The following RBFOX1 variants were observed in gnomAD, a reference collection of about 807,000 sequenced individuals.
The protein encoded by RBFOX1 is RNA binding fox-1 homolog 1.
RBFOX1 carries 8 observed loss-of-function variants against 57.7 expected under a neutral mutation model. The ratio of observed to expected loss-of-function variants is 0.14; its 90% CI spans 0.08 to 0.25. The LOEUF (loss-of-function observed/expected upper bound fraction) is 0.25, where lower values mean the gene tolerates loss of function less well. Among genes scored for constraint, RBFOX1 ranks in the 10% least tolerant of loss-of-function variants. The probability of loss-of-function intolerance (pLI) is 1.00; values close to 1 mark genes in which losing one functional copy is unlikely to be tolerated. For synonymous variants in RBFOX1, 326 were observed against 222.4 expected (o/e 1.47, Z -4.15); for missense variants, 611 against 548.5 (o/e 1.11, Z -1.14).
intron 4 of RBFOX1, among the ~76,000 whole-genome samples, chr16:7,369,845 C>T (rs950058694): frequency 2.6e-5 from 4 of 152,164 alleles, no homozygotes; most frequent in African/African-American, 4.8e-5. Context: ...CTATCAATTT[C>T]ATTATCTCAC....
At chr16:6,068,496 G>C (rs751204377) in intron 1 of RBFOX1, among the ~76,000 whole-genome samples, 10 of 152,138 alleles carry the variant, frequency 6.6e-5, no homozygotes, top group Non-Finnish European at 1.3e-4. Context: ...GGAACCGTTT[G>C]GGGTTAAACA....
At chr16:6,347,260 C>T (rs1459112975) in intron 2 of RBFOX1, among the ~76,000 whole-genome samples, 1 of 152,144 alleles carries the variant, frequency 6.6e-6, no homozygotes, top group Non-Finnish European at 1.5e-5. Context: ...GTAATGTAGA[C>T]AGTGAACGGG....
intron 1 of RBFOX1, among the ~76,000 whole-genome samples, chr16:5,431,371 T>TTTTA (rs1187641037): frequency 1.3e-5 from 2 of 152,090 alleles, no homozygotes; most frequent in Admixed American, 1.3e-4. Context: ...AGCTGGCTTA[T>TTTTA]TTTATTTATT....
intron 4 of RBFOX1, among the ~76,000 whole-genome samples, chr16:5,979,611 C>G (rs1247047561): frequency 6.6e-6 from 1 of 152,210 alleles, no homozygotes. Flanking sequence ...CGCCTCTAAT[C>G]TCAGCACTTT....
intron 1 of RBFOX1, among the ~76,000 whole-genome samples, chr16:5,268,556 C>T (rs1187849024): frequency 6.6e-6 from 1 of 152,230 alleles, no homozygotes; most frequent in East Asian, 1.9e-4. Flanking sequence ...ACACTTCTTC[C>T]TCCACGATTG....
chr16:6,977,947 A>AAAAAAAAATAAAT (rs57981662), intron 3 of RBFOX1, among the ~76,000 whole-genome samples: 1 of 145,968 alleles, frequency 6.9e-6, no homozygotes, highest in Non-Finnish European at 1.5e-5. Context: ...GAAAAAAAAA[A>AAAAAAAAATAAAT]AAAAGGCAAA....
At chr16:6,846,907 T>G (rs970082352) in intron 3 of RBFOX1, among the ~76,000 whole-genome samples, 17 of 147,122 alleles carry the variant, frequency 1.2e-4, no homozygotes, top group African/African-American at 4.6e-4. Context: ...TGCCTCTAAA[T>G]TACCCTAGGA....
chr16:7,636,809 A>G (rs992138126), intron 11 of RBFOX1, among the ~76,000 whole-genome samples: 7 of 150,892 alleles, frequency 4.6e-5, no homozygotes, highest in African/African-American at 1.7e-4. Flanking sequence ...ACCTTCTCCC[A>G]TGTTTTCACA....
At chr16:6,961,863 T>C (rs1568103157) in intron 3 of RBFOX1, among the ~76,000 whole-genome samples, 1 of 152,174 alleles carries the variant, frequency 6.6e-6, no homozygotes, top group Non-Finnish European at 1.5e-5. Context: ...CTTGCCATCC[T>C]GGTTTGGGTG....
intron 4 of RBFOX1, among the ~76,000 whole-genome samples, chr16:7,326,204 G>A (rs959457985): frequency 6.6e-6 from 1 of 152,206 alleles, no homozygotes; most frequent in African/African-American, 2.4e-5. Context: ...GGATTGAGGA[G>A]GTGGTGGAGG....
At chr16:5,901,288 C>T (rs949178073) in intron 4 of RBFOX1, among the ~76,000 whole-genome samples, 1 of 152,146 alleles carries the variant, frequency 6.6e-6, no homozygotes, top group Non-Finnish European at 1.5e-5. Context: ...CTCTTTGAAA[C>T]AATTTTATGC....
chr16:7,431,439 C>A (rs1271284746), intron 4 of RBFOX1: 1 of 150,100 alleles, frequency 6.7e-6, no homozygotes, highest in Non-Finnish European at 1.5e-5. Flanking sequence ...TGGGTTCTTA[C>A]TGTGTTGCCC....
chr16:7,517,175 GTGTGTGT>G (rs2076550955), intron 4 of RBFOX1, among the ~76,000 whole-genome samples: 1 of 150,844 alleles, frequency 6.6e-6, no homozygotes, highest in Middle Eastern at 3.2e-3. Flanking sequence ...GTGTGTGTGT[GTGTGTGT>G]GTGTGTTGTG....
intron 3 of RBFOX1, among the ~76,000 whole-genome samples, chr16:5,668,815 T>G (rs2049930359): frequency 6.6e-6 from 1 of 152,194 alleles, no homozygotes; most frequent in South Asian, 2.1e-4. Context: ...GTAGCTGGTC[T>G]GAAGTTGCTG....
chr16:7,436,829 A>G (rs1400696788), intron 4 of RBFOX1, among the ~76,000 whole-genome samples: 2 of 152,220 alleles, frequency 1.3e-5, no homozygotes, highest in Non-Finnish European at 2.9e-5. Flanking sequence ...TGGGAGACCA[A>G]GGCAGGCGGA....
intron 3 of RBFOX1, among the ~76,000 whole-genome samples, chr16:6,716,804 A>G (rs1446799208): frequency 6.6e-6 from 1 of 152,222 alleles, no homozygotes; most frequent in East Asian, 1.9e-4. Context: ...ACAGGATATA[A>G]GTTTGGGACA....
chr16:6,030,180 A>G (rs1224948112), intron 1 of RBFOX1, among the ~76,000 whole-genome samples: 1 of 152,138 alleles, frequency 6.6e-6, no homozygotes, highest in Non-Finnish European at 1.5e-5. Context: ...TTCCCTTACA[A>G]AGTGCTGGGA....
At chr16:6,415,364 A>G (rs1303548139) in intron 2 of RBFOX1, among the ~76,000 whole-genome samples, 2 of 152,100 alleles carry the variant, frequency 1.3e-5, no homozygotes, top group East Asian at 3.9e-4. Flanking sequence ...TGATAAGCCC[A>G]AGCTCATACA....
intron 3 of RBFOX1, among the ~76,000 whole-genome samples, chr16:6,677,942 A>T (rs772528596): frequency 5.3e-5 from 8 of 152,234 alleles, no homozygotes; most frequent in Non-Finnish European, 4.4e-5. Context: ...CATAAAGAAC[A>T]TCTAACCTAG....
Sources: allele counts gnomAD v4.1 joint callset (sites outside exome capture counted in the v4.1 genomes callset), GRCh38; gene constraint gnomAD v4.1.1; transcripts MANE v1.5; gene names NCBI Gene and HGNC (gene_info 2026-07-23, HGNC 2026-07-21).